Variants in ADAMTSL3 observed in about 807,000 individuals in gnomAD.
ADAMTSL3 encodes the protein ADAMTS like 3.
A neutral mutation model predicts 201.7 loss-of-function variants in ADAMTSL3; 128 were observed. That is an observed-to-expected ratio of 0.63 (90% CI 0.55 to 0.73). The LOEUF (loss-of-function observed/expected upper bound fraction) is 0.73, where lower values mean the gene tolerates loss of function less well. ADAMTSL3 is among the 30% of genes least tolerant of loss of function. The pLI, the probability that ADAMTSL3 is intolerant of heterozygous loss-of-function variation, is 0.00. For synonymous variants in ADAMTSL3, 738 were observed against 748.4 expected, an observed-to-expected ratio of 0.99 and a Z score of 0.23; for missense variants, 1,990 against 2,119.6, an observed-to-expected ratio of 0.94 and a Z score of 1.20.
At chr15:83,975,805 G>A (rs1260430896) in intron 20 of ADAMTSL3, among the ~76,000 whole-genome samples, 1 of 152,186 alleles carries the variant, frequency 6.6e-6, no homozygotes. Flanking sequence ...TAGAACATAG[G>A]TTCAAGAGAG....
intron 15 of ADAMTSL3, 107 bp from the exon 16 acceptor site, chr15:83,912,985 G>A: frequency 1.7e-6 from 2 of 1,203,292 alleles, no homozygotes; most frequent in Non-Finnish European, 2.3e-6. Flanking sequence ...ATTCCACCGA[G>A]TGAAGCTGGT....
chr15:83,923,572 G>C (rs1325014905), intron 16 of ADAMTSL3, among the ~76,000 whole-genome samples: 2 of 152,164 alleles, frequency 1.3e-5, no homozygotes, highest in Non-Finnish European at 2.9e-5. Context: ...TTATTTGGGG[G>C]AACTCCTAGC....
In ADAMTSL3 at chr15:84,038,714, G is replaced by T. The variant is rs975499759; in HGVS notation, c.*908G>T. The T allele has an allele frequency of 2.6e-5, 4 of 152,492 alleles. No individual in the cohort carries two copies. Among genetic ancestry groups the T allele is most frequent in the Non-Finnish European group, 5.9e-5 (4 of 68,042 alleles). The allele number at this position is 152,492 out of a possible 1,614,324, so 9.4% of individuals were successfully genotyped here. A position where few individuals can be genotyped will look rare whatever the true frequency, so the allele number is the denominator to read the frequency against. Reference sequence around the variant, plus strand: ...AGTAATCCAAATAAGAAACACGATAGTTGAAAATAATTTTTATAGTAAATA... The same window carrying T: ...AGTAATCCAAATAAGAAACACGATATTTGAAAATAATTTTTATAGTAAATA... On this transcript the variant is annotated 3_prime_UTR_variant, in exon 30 of 30. Coordinates refer to ENST00000286744, the MANE Select transcript of ADAMTSL3 (RefSeq NM_207517.3).
intron 17 of ADAMTSL3, 127 bp downstream of exon 17, chr15:83,924,160 C>A: frequency 8.0e-7 from 1 of 1,245,084 alleles, no homozygotes; most frequent in Non-Finnish European, 1.1e-6. Context: ...TGCTTCAGAG[C>A]TCTCTTTGCT....
chr15:83,822,450 C>T (rs2063899354), intron 6 of ADAMTSL3, among the ~76,000 whole-genome samples: 1 of 125,978 alleles, frequency 7.9e-6, no homozygotes, highest in Non-Finnish European at 1.6e-5. Flanking sequence ...GGGCGGTTGC[C>T]AGGCGGAGGG....
chr15:83,949,716 G>C (rs2142058045), intron 19 of ADAMTSL3, among the ~76,000 whole-genome samples: 1 of 152,260 alleles, frequency 6.6e-6, no homozygotes, highest in East Asian at 1.9e-4. Context: ...ACTGGAGTGA[G>C]ATGGTATCTC....
intron 15 of ADAMTSL3, among the ~76,000 whole-genome samples, chr15:83,906,620 C>T (rs2065839284): frequency 8.0e-5 from 2 of 25,058 alleles, no homozygotes; most frequent in South Asian, 2.4e-3. Flanking sequence ...TAGTGCCACA[C>T]ACCACACACA....
chr15:83,871,108 C>T (rs1208108767), intron 9 of ADAMTSL3, 149 bp downstream of exon 9: 1 of 957,468 alleles, frequency 1.0e-6, no homozygotes, highest in Non-Finnish European at 1.5e-6. Context: ...GCAGTCCATT[C>T]TTAAAAATTG....
At chr15:83,824,090 T>C (rs2063963399) in intron 6 of ADAMTSL3, among the ~76,000 whole-genome samples, 1 of 151,302 alleles carries the variant, frequency 6.6e-6, no homozygotes, top group Admixed American at 6.6e-5. Context: ...GTCACCCAGG[T>C]TGGAATACAG....
At chr15:83,937,417 C>T (rs2066480262) in intron 17 of ADAMTSL3, among the ~76,000 whole-genome samples, 1 of 150,780 alleles carries the variant, frequency 6.6e-6, no homozygotes, top group African/African-American at 2.5e-5. Context: ...AACAGAAAAC[C>T]AAATACCACG....
chr15:83,725,671 C>T (rs765215388), intron 3 of ADAMTSL3, among the ~76,000 whole-genome samples: 21 of 152,148 alleles, frequency 1.4e-4, no homozygotes, highest in Middle Eastern at 3.4e-3. Context: ...CCCCAGTGTA[C>T]GTTCTTGGCA....
chr15:83,826,113 AT>A (rs144121904), intron 6 of ADAMTSL3, among the ~76,000 whole-genome samples: 4 of 149,436 alleles, frequency 2.7e-5, no homozygotes, highest in Admixed American at 1.3e-4. Context: ...TTAAGGATGT[AT>A]TTTTTTTTTG....
chr15:83,793,993 G>A (rs1186169740), intron 4 of ADAMTSL3, among the ~76,000 whole-genome samples: 1 of 152,106 alleles, frequency 6.6e-6, no homozygotes, highest in Admixed American at 6.5e-5. Flanking sequence ...ATTAGAAAAT[G>A]AACAAAGGAC....
At chr15:83,842,356 A>G (rs1346976054) in intron 7 of ADAMTSL3, among the ~76,000 whole-genome samples, 1 of 152,052 alleles carries the variant, frequency 6.6e-6, no homozygotes, top group Non-Finnish European at 1.5e-5. Flanking sequence ...CTAAGCTGAA[A>G]GAGCACACTG....
At chr15:83,670,047 TGGGAGTTCGA>T (rs540088559) in intron 2 of ADAMTSL3, among the ~76,000 whole-genome samples, 3 of 151,428 alleles carry the variant, frequency 2.0e-5, no homozygotes, top group Non-Finnish European at 4.4e-5. Flanking sequence ...CACCTGAGGT[TGGGAGTTCGA>T]GACCAGCCTG....
chr15:83,890,056 A>G (rs17158548), intron 10 of ADAMTSL3, 53 bp from the exon 11 acceptor site: 2 of 1,564,114 alleles, frequency 1.3e-6, no homozygotes, highest in Admixed American at 1.9e-5. Flanking sequence ...TAACTCTGCC[A>G]AGTAAAAATG....
At chr15:83,925,346 C>A (rs1040390047) in intron 17 of ADAMTSL3, among the ~76,000 whole-genome samples, 1 of 152,184 alleles carries the variant, frequency 6.6e-6, no homozygotes, top group Non-Finnish European at 1.5e-5. Context: ...TTGAGACCTA[C>A]AGAAGTACTG....
At chr15:83,942,508 A>G in intron 17 of ADAMTSL3, 88 bp from the exon 18 acceptor site, 1 of 1,279,478 alleles carries the variant, frequency 7.8e-7, no homozygotes, top group Non-Finnish European at 1.1e-6. Flanking sequence ...CTGGAAGCCC[A>G]GAGGAGAGCT....
intron 3 of ADAMTSL3, among the ~76,000 whole-genome samples, chr15:83,750,133 T>C (rs1158445869): frequency 1.3e-5 from 2 of 152,220 alleles, no homozygotes; most frequent in African/African-American, 4.8e-5. Flanking sequence ...TTGAAGCCAA[T>C]GAATTATGGA....
Sources: allele counts gnomAD v4.1 joint callset (sites outside exome capture counted in the v4.1 genomes callset), GRCh38; gene constraint gnomAD v4.1.1; transcripts MANE v1.5; gene names NCBI Gene and HGNC (gene_info 2026-07-23, HGNC 2026-07-21).